NPAS1: variants seen among roughly 807,000 people sequenced by gnomAD.
The protein encoded by NPAS1 is neuronal PAS domain-containing protein 1.
A neutral mutation model predicts 49.2 loss-of-function variants in NPAS1; 29 were observed. The observed-to-expected ratio is 0.59, with a 90% CI of 0.44 to 0.80. The LOEUF is 0.80. Among genes scored for constraint, NPAS1 ranks in the 30% least tolerant of loss-of-function variants. NPAS1 has a pLI of 0.00. For synonymous variants in NPAS1, 408 were observed against 380.4 expected, an observed-to-expected ratio of 1.07 and a Z score of -0.84; for missense variants, 825 against 835.5, an observed-to-expected ratio of 0.99 and a Z score of 0.15.
chr19:47,038,699 T>G (rs1268051563), intron 6 of NPAS1, among the ~76,000 whole-genome samples: 1 of 152,048 alleles, frequency 6.6e-6, no homozygotes, highest in African/African-American at 2.4e-5. Context: ...TGGTAGCATG[T>G]GCCTGTAATC....
At chr19:47,041,912 C>T (rs563337146) in intron 10 of NPAS1, among the ~76,000 whole-genome samples, 5 of 144,908 alleles carry the variant, frequency 3.5e-5, no homozygotes, top group East Asian at 2.0e-4. Flanking sequence ...CCCAGGAGGT[C>T]GAGGCTGCAG....
Position 47,042,897 on chromosome 19 carries a change from G to A in NPAS1, c.1305G>A (p.Glu435=), listed in dbSNP as rs145840245. 3.1e-6 allele frequency: 5 copies of A among 1,594,740 alleles called. No individual in the cohort carries two copies. In the African/African-American group the frequency reaches 6.8e-5, roughly 22 times the overall value. Residue 435 remains glutamate (E), a synonymous_variant, in exon 11 of 12, where the codon GAG becomes GAA. Transcript: ENST00000602212. ...ACEEASSPGP[E]PTEPEPPTEG... is the part of the protein sequence containing the mutation. ...AGGAGGCATCCAGCCCGGGGCCAGA[G>A]CCCACAGGTGAGCCCCACCTCCCAC...
intron 10 of NPAS1, among the ~76,000 whole-genome samples, chr19:47,041,838 G>C (rs545293736): frequency 6.6e-6 from 1 of 151,624 alleles, no homozygotes; most frequent in Non-Finnish European, 1.5e-5. Context: ...TAATTGGCCC[G>C]TTACAGTGGC....
chr19:47,021,258 ACACC>A lies in NPAS1; in HGVS notation c.122+92_122+95del. 8.2e-7 allele frequency: 1 copy of A among 1,222,052 alleles called. No individual in the cohort carries two copies. The highest frequency in any genetic ancestry group is 2.8e-5 in the East Asian group (1 of 35,622). The allele number at this position is 1,222,052 out of a possible 1,614,324, so 75.7% of individuals were successfully genotyped here. A position where few individuals can be genotyped will look rare whatever the true frequency, so the allele number is the denominator to read the frequency against. On this transcript the variant is annotated intron_variant, in intron 2 of 11. Coordinates refer to ENST00000602212, the MANE Select transcript of NPAS1 (RefSeq NM_002517.4). The surrounding 1 kb of genome is among the most constrained non-coding windows in gnomAD (Gnocchi z 5.7). ...CTGTCCCCGTGCCAAGGGGCAGTTC[ACACC>A]CAGCTCCCTGACCCGCCCCTTAGGG...
intron 3 of NPAS1, among the ~76,000 whole-genome samples, chr19:47,029,229 A>C (rs1452081181): frequency 6.6e-6 from 1 of 151,086 alleles, no homozygotes; most frequent in Non-Finnish European, 1.5e-5. Context: ...CTACAGGTGC[A>C]CACCACCACG....
At position 47,021,150 on chromosome 19, in the gene NPAS1, A is replaced by G. The variant is rs1214089110; in HGVS notation, c.103A>G (p.Lys35Glu). The G allele has an allele frequency of 6.9e-6, 11 of 1,594,184 alleles. No homozygotes were observed. Among genetic ancestry groups the G allele is most frequent in the Non-Finnish European group, 9.4e-6 (11 of 1,171,886 alleles). ...PWDFLPGLMVKAPSGPCLQAQ... is the reference protein window; with the variant it reads ...PWDFLPGLMVEAPSGPCLQAQ... ...GGACTTTCTACCCGGGCTGATGGTC[A>G]AGGCGCCGTCCGGACCGTGGTGAGC... Residue 35 changes from lysine (K) to glutamate (E), a missense_variant, in exon 2 of 12, where the codon AAG becomes GAG. Physicochemically the swap from Lys to Glu is moderately conservative, Grantham distance 56. Transcript: ENST00000602212. The surrounding 1 kb of genome is among the most constrained non-coding windows in gnomAD (Gnocchi z 5.7).
chr19:47,039,042 G>A lies in NPAS1; in HGVS notation c.695G>A (p.Ser232Asn). ...CCTTCACTCTCTGTCCCAGAGGCCA[G>A]CCTCACCAAGGTGCCCCCCTCCTCC... ...SLADTPEIEA[S>N]LTKVPPSSLV... is the part of the protein sequence containing the mutation. The change falls in exon 7 of 12, where the codon AGC (serine) becomes AAC (asparagine). Residue 232 changes from serine (S) to asparagine (N), a missense_variant. Transcript: ENST00000602212. 1 of 1,614,078 alleles carries A rather than the reference G, an allele frequency of 6.2e-7. No homozygotes were observed. Among genetic ancestry groups the A allele is most frequent in the Non-Finnish European group, 8.5e-7 (1 of 1,179,944 alleles).
intron 4 of NPAS1, 114 bp from the exon 5 acceptor site, chr19:47,032,529 C>A (rs2056914280): frequency 8.7e-7 from 1 of 1,149,628 alleles, no homozygotes; most frequent in Non-Finnish European, 1.3e-6. Context: ...CCCTCCCCAC[C>A]AAAACAGTCC....
At chr19:47,036,884 A>C (rs1029369901) in intron 6 of NPAS1, among the ~76,000 whole-genome samples, 4 of 151,840 alleles carry the variant, frequency 2.6e-5, no homozygotes, top group African/African-American at 4.8e-5. Flanking sequence ...TCTCCAAAAA[A>C]AACAACAACA....
At chr19:47,042,993 C>T (rs769787661) in intron 11 of NPAS1, 89 bp downstream of exon 11, 40 of 981,140 alleles carry the variant, frequency 4.1e-5, no homozygotes, top group Non-Finnish European at 5.2e-5. Flanking sequence ...TAGCCACATG[C>T]AGCCATTTAT....
In NPAS1 at chr19:47,041,133, C is replaced by T; in HGVS notation, c.1217+8C>T. 6.4e-7 allele frequency: 1 copy of T among 1,568,420 alleles called. No individual in the cohort carries two copies. Among genetic ancestry groups the T allele is most frequent in the Non-Finnish European group, 8.6e-7 (1 of 1,164,158 alleles). ...GGTCAGCCACGTGCTCAGGTGAGGG[C>T]TGTGCCCACCCCTCCTGCAGGGCAC... is the stretch of plus-strand genomic sequence containing the variant. On this transcript the variant is annotated splice_region_variant and intron_variant, in intron 10 of 11. Transcript: ENST00000602212.
chr19:47,026,102 C>A (rs1188714477), intron 3 of NPAS1, among the ~76,000 whole-genome samples: 1 of 152,078 alleles, frequency 6.6e-6, no homozygotes, highest in Non-Finnish European at 1.5e-5. Flanking sequence ...CCATGCCCAG[C>A]TAATTTTTGT....
At chr19:47,020,475 G>A (rs567640422) in intron 1 of NPAS1, among the ~76,000 whole-genome samples, 9 of 152,072 alleles carry the variant, frequency 5.9e-5, no homozygotes, top group African/African-American at 2.2e-4. Flanking sequence ...AGGCTGGGGG[G>A]ATCCCTGGGC....
rs548205652 is a variant in NPAS1, at chr19:47,021,304, T to A, written c.122+135T>A. On this transcript the variant is annotated intron_variant, in intron 2 of 11. Coordinates refer to ENST00000602212, the MANE Select transcript of NPAS1 (RefSeq NM_002517.4). The surrounding 1 kb of genome is among the most constrained non-coding windows in gnomAD (Gnocchi z 5.7). ...CCCTTAGGGCTAGAAGGTCTTACCT[T>A]GAGTTAACTACCGTCCTGAGCCCGG... is the stretch of plus-strand genomic sequence containing the variant. 4.3e-5 allele frequency: 34 copies of A among 787,422 alleles called. No individual in the cohort carries two copies. The East Asian group carries it at 8.9e-4, about 21-fold the overall frequency. The allele number at this position is 787,422 out of a possible 1,614,324, so 48.8% of individuals were successfully genotyped here.
chr19:47,040,676 G>A lies in NPAS1; in HGVS notation c.1069+126G>A, dbSNP rs1238589124. On this transcript the variant is annotated intron_variant, in intron 9 of 11. Transcript: ENST00000602212. ...CCCTCCTGCTGCACCTACAGCTCCA[G>A]GGACTCCGTTTAGCATTGGAAGAGC... 4.5e-6 allele frequency: 3 copies of A among 665,082 alleles called. No individual in the cohort carries two copies. In the African/African-American group the frequency reaches 5.4e-5, roughly 12 times the overall value. The allele number at this position is 665,082 out of a possible 1,614,324, so 41.2% of individuals were successfully genotyped here.
chr19:47,023,478 A>G (rs765967714), intron 3 of NPAS1, among the ~76,000 whole-genome samples: 1 of 152,128 alleles, frequency 6.6e-6, no homozygotes, highest in East Asian at 1.9e-4. Flanking sequence ...GTGGACTCCT[A>G]TAGTCCCAAA....
At chr19:47,035,625 A>G (rs2056945948) in intron 5 of NPAS1, among the ~76,000 whole-genome samples, 1 of 152,158 alleles carries the variant, frequency 6.6e-6, no homozygotes, top group Non-Finnish European at 1.5e-5. Flanking sequence ...ATGCCAGGGC[A>G]CAGTTGTTTG....
chr19:47,022,658 C>A (rs2056849171), intron 3 of NPAS1, among the ~76,000 whole-genome samples: 1 of 152,218 alleles, frequency 6.6e-6, no homozygotes, highest in African/African-American at 2.4e-5. Context: ...CTGTCTGGCA[C>A]TTTTCTGAGC....
chr19:47,034,663 G>C (rs2056934029), intron 5 of NPAS1, among the ~76,000 whole-genome samples: 1 of 151,988 alleles, frequency 6.6e-6, no homozygotes, highest in Non-Finnish European at 1.5e-5. Context: ...GATCACCTGA[G>C]GTCAGGAGTT....
Sources: gnomAD v4.1 joint callset for allele counts (sites outside exome capture counted in the v4.1 genomes callset) on GRCh38, gnomAD v4.1.1 for gene constraint, Gnocchi (gnomAD v3.1) non-coding constraint, MANE v1.5 for transcripts, NCBI Gene and HGNC (gene_info 2026-07-23, HGNC 2026-07-21) for gene names.